The following ROS1 variants were observed in gnomAD, a reference collection of about 807,000 sequenced individuals.
The protein encoded by ROS1 is proto-oncogene tyrosine-protein kinase ROS.
A neutral mutation model predicts 273.5 loss-of-function variants in ROS1; 263 were observed. The ratio of observed to expected loss-of-function variants is 0.96; its 90% CI spans 0.87 to 1.06. The LOEUF is 1.06. ROS1 is among the 50% of genes least tolerant of loss of function. The pLI is 0.00. For synonymous variants in ROS1, 1,008 were observed against 954.1 expected (o/e 1.06, Z -1.04); for missense variants, 2,833 against 2,751.1 (o/e 1.03, Z -0.67).
intron 17 of ROS1, among the ~76,000 whole-genome samples, chr6:117,381,275 TG>T (rs1465608456): frequency 6.6e-6 from 1 of 151,924 alleles, no homozygotes; most frequent in African/African-American, 2.4e-5. Context: ...AGGTAGTTTT[TG>T]GTCACATGGA....
In ROS1 at chr6:117,308,485, T is replaced by A. The variant is rs186457428; in HGVS notation, c.6551+309A>T. On this transcript the variant is annotated intron_variant, in intron 42 of 43. Coordinates refer to ENST00000368507, the MANE Select transcript of ROS1 (RefSeq NM_001378902.1). ...CATATGTGTGTGTATACTCTCTCTCTCACACACACACACATACACTCGGAG... is the reference window on the plus strand; with the variant it reads ...CATATGTGTGTGTATACTCTCTCTCACACACACACACACATACACTCGGAG... 3.0e-4 allele frequency among the ~76,000 whole-genome samples: 45 copies of A among 151,920 alleles called. No homozygotes were observed. In the South Asian group the frequency reaches 8.5e-3, roughly 29 times the overall value.
At chr6:117,354,180 G>A (rs1304671793) in intron 26 of ROS1, among the ~76,000 whole-genome samples, 1 of 151,994 alleles carries the variant, frequency 6.6e-6, no homozygotes, top group African/African-American at 2.4e-5. Context: ...GCAATACCCT[G>A]TCTCTACAAA....
Position 117,379,119 on chromosome 6 carries a change from T to C in ROS1, c.2522A>G (p.Tyr841Cys), listed in dbSNP as rs201920657. 85 of 1,613,110 alleles carry C rather than the reference T, an allele frequency of 5.3e-5. No individual in the cohort carries two copies. The highest frequency in any genetic ancestry group is 5.9e-5 in the Non-Finnish European group (69 of 1,179,306). The change falls in exon 18 of 44, where the codon TAT becomes TGT. Residue 841 changes from tyrosine (Y) to cysteine (C), a missense_variant. Transcript: ENST00000368507. The stretch of plus-strand genomic sequence containing the variant: ...ACATTGACTGTCTTGAACCAACCAA[T>C]ACAGGAGCCCATCACTGAGGTCTAA... ...LTLDLSDGLLYWLVQDSQCIH... is the reference protein window; with the variant it reads ...LTLDLSDGLLCWLVQDSQCIH...
intron 5 of ROS1, among the ~76,000 whole-genome samples, chr6:117,407,251 C>T (rs1287303492): frequency 6.6e-6 from 1 of 152,110 alleles, no homozygotes; most frequent in Admixed American, 6.5e-5. Flanking sequence ...AAGAGCCAAG[C>T]ATCCTTCAGA....
intron 31 of ROS1, among the ~76,000 whole-genome samples, chr6:117,338,766 T>C (rs1777672520): frequency 6.6e-6 from 1 of 151,984 alleles, no homozygotes; most frequent in South Asian, 2.1e-4. Flanking sequence ...CTTGGAGAGG[T>C]GCCACAGGAT....
chr6:117,425,738 C>G lies in ROS1; in HGVS notation c.-82G>C. 6.9e-7 allele frequency: 1 copy of G among 1,439,042 alleles called. No homozygotes were observed. Among genetic ancestry groups the G allele is most frequent in the Non-Finnish European group, 9.6e-7 (1 of 1,041,520 alleles). The allele number at this position is 1,439,042 out of a possible 1,614,324, so 89.1% of individuals were successfully genotyped here. A position where few individuals can be genotyped will look rare whatever the true frequency, so the allele number is the denominator to read the frequency against. ...ATGAATTATTTGGGCTTCATCACTT[C>G]AATTGGAGGAGTAGCTGATGGATTT... On this transcript the variant is annotated 5_prime_UTR_variant, in exon 1 of 44. Coordinates refer to ENST00000368507, the MANE Select transcript of ROS1 (RefSeq NM_001378902.1).
chr6:117,322,713 T>C (rs1486544405), intron 35 of ROS1, among the ~76,000 whole-genome samples: 1 of 152,188 alleles, frequency 6.6e-6, no homozygotes, highest in Non-Finnish European at 1.5e-5. Flanking sequence ...ATTGTGACTG[T>C]TTTGTTATTT....
chr6:117,316,329 C>A (rs189997071), intron 39 of ROS1, among the ~76,000 whole-genome samples: 296 of 151,998 alleles, frequency 1.9e-3, no homozygotes, highest in African/African-American at 6.6e-3. Context: ...TGAGGCAGTG[C>A]ACAGGGCTCC....
intron 43 of ROS1, among the ~76,000 whole-genome samples, chr6:117,299,924 CTTTTT>C (rs11297663): frequency 1.7e-5 from 2 of 118,674 alleles, no homozygotes. Context: ...ATATTATTAT[CTTTTT>C]TTTTTTTTTT....
Position 117,341,219 on chromosome 6 carries a change from C to G in ROS1, c.4977G>C (p.Leu1659Phe). 1 of 1,613,352 alleles carries G rather than the reference C, an allele frequency of 6.2e-7. No homozygotes were observed. The highest frequency in any genetic ancestry group is 1.1e-5 in the South Asian group (1 of 91,046). The stretch of plus-strand genomic sequence containing the variant: ...ATTGCAAACTAGTGTTCTCTGGAAC[C>G]AAGGAATAAGGTTTCTCTGGTGTGT... ...MFNTPEKPYS[L>F]VPENTSLQFN... Residue 1659 changes from leucine (L) to phenylalanine (F), a missense_variant, in exon 31 of 44, where the codon TTG becomes TTC. Coordinates refer to ENST00000368507, the MANE Select transcript of ROS1 (RefSeq NM_001378902.1).
chr6:117,334,200 A>G (rs1239640996), intron 32 of ROS1, among the ~76,000 whole-genome samples: 5 of 152,204 alleles, frequency 3.3e-5, no homozygotes, highest in African/African-American at 1.2e-4. Flanking sequence ...TTACACCAAC[A>G]ATAGGCAAGC....
intron 18 of ROS1, among the ~76,000 whole-genome samples, chr6:117,372,508 G>A (rs562581944): frequency 9.9e-5 from 15 of 152,272 alleles, no homozygotes; most frequent in East Asian, 3.9e-4. Context: ...CGTGGTGAGC[G>A]TTACAGTTCT....
intron 7 of ROS1, among the ~76,000 whole-genome samples, chr6:117,397,901 A>C (rs1402126997): frequency 6.6e-6 from 1 of 152,206 alleles, no homozygotes; most frequent in Non-Finnish European, 1.5e-5. Context: ...ATAGAAAGAC[A>C]CAATTAGAAG....
chr6:117,365,525 G>T, intron 20 of ROS1, 56 bp downstream of exon 20: 1 of 1,444,842 alleles, frequency 6.9e-7, no homozygotes, highest in Non-Finnish European at 9.7e-7. Context: ...GGGCAAGGCT[G>T]ACACAGATGG....
intron 43 of ROS1, among the ~76,000 whole-genome samples, chr6:117,289,466 C>T (rs1346867483): frequency 1.3e-5 from 2 of 152,134 alleles, no homozygotes; most frequent in Non-Finnish European, 2.9e-5. Context: ...AAGGGAGGTA[C>T]CAGTGTACCT....
At chr6:117,342,772 G>A (rs537527677) in intron 28 of ROS1, among the ~76,000 whole-genome samples, 1 of 152,090 alleles carries the variant, frequency 6.6e-6, no homozygotes, top group Non-Finnish European at 1.5e-5. Flanking sequence ...TGGTTTTGTG[G>A]CATAAATTGT....
chr6:117,385,377 A>G (rs185824771), intron 16 of ROS1, among the ~76,000 whole-genome samples: 234 of 152,292 alleles, frequency 1.5e-3, no homozygotes, highest in Non-Finnish European at 2.7e-3. Context: ...CAACGTGGTG[A>G]AACCCCATCT....
Position 117,352,991 on chromosome 6 carries a change from T to C in ROS1, c.4302A>G (p.Pro1434=). 7 of 1,609,462 alleles carry C rather than the reference T, an allele frequency of 4.3e-6. No homozygotes were observed. Among genetic ancestry groups the C allele is most frequent in the Non-Finnish European group, 5.9e-6 (7 of 1,178,654 alleles). Residue 1434 remains proline (P), a splice_region_variant and synonymous_variant, in exon 27 of 44, where the codon CCA becomes CCG. Transcript: ENST00000368507. ...TGATTACGAATGTGACTTTATTACC[T>C]GGAAAAGGCTGCATAACTGAACTGT... The part of the protein sequence containing the change: ...LAYSSVMQPF[P]DKAFLSLASD...
chr6:117,289,728 G>T (rs1303047764), intron 43 of ROS1, among the ~76,000 whole-genome samples: 1 of 152,102 alleles, frequency 6.6e-6, no homozygotes, highest in East Asian at 1.9e-4. Context: ...CAAAACACAT[G>T]AATAGTTAGA....
Sources: allele counts gnomAD v4.1 joint callset (sites outside exome capture counted in the v4.1 genomes callset), GRCh38; gene constraint gnomAD v4.1.1; transcripts MANE v1.5; gene names NCBI Gene and HGNC (gene_info 2026-07-23, HGNC 2026-07-21).